PRDM1: variants seen among roughly 807,000 people sequenced by gnomAD.
The protein encoded by PRDM1 is PR domain zinc finger protein 1.
PRDM1 carries 13 observed loss-of-function variants against 62.8 expected under a neutral mutation model. The observed-to-expected ratio is 0.21, with a 90% CI of 0.13 to 0.33. PRDM1 has a LOEUF of 0.33. Among genes scored for constraint, PRDM1 ranks in the 10% least tolerant of loss-of-function variants. The probability of loss-of-function intolerance (pLI) is 1.00; values close to 1 mark genes in which losing one functional copy is unlikely to be tolerated. For synonymous variants in PRDM1, 396 were observed against 417.6 expected (o/e 0.95, Z 0.63); for missense variants, 895 against 1,058.8 (o/e 0.85, Z 2.15).
intron 1 of PRDM1, among the ~76,000 whole-genome samples, chr6:106,019,642 T>C (rs528524968): frequency 1.3e-5 from 2 of 148,416 alleles, no homozygotes; most frequent in African/African-American, 4.9e-5. Flanking sequence ...CTTTTCTTTT[T>C]TTTTTTTTTT....
At chr6:106,038,418 G>A (rs1772951547) in intron 1 of PRDM1, among the ~76,000 whole-genome samples, 1 of 152,142 alleles carries the variant, frequency 6.6e-6, no homozygotes, top group South Asian at 2.1e-4. Context: ...GGCATGTGTG[G>A]TGACTTGTAA....
intron 1 of PRDM1, among the ~76,000 whole-genome samples, chr6:106,073,105 C>CTTTT (rs202236727): frequency 2.3e-4 from 31 of 137,638 alleles, no homozygotes; most frequent in Middle Eastern, 3.8e-3. Context: ...TTCCTCTTTT[C>CTTTT]TTTTTTTTTT....
At chr6:106,103,494 G>A (rs952376400) in intron 4 of PRDM1, among the ~76,000 whole-genome samples, 9 of 152,172 alleles carry the variant, frequency 5.9e-5, no homozygotes, top group African/African-American at 1.7e-4. Flanking sequence ...CCTTCAGTGC[G>A]TTCCTAGGGC....
upstream of PRDM1, among the ~76,000 whole-genome samples, chr6:106,083,543 A>G (rs2114611175): frequency 6.6e-6 from 1 of 152,202 alleles, no homozygotes; most frequent in Middle Eastern, 3.4e-3. Context: ...GAACTGGGAG[A>G]GGAAAAAAAC....
At chr6:106,043,198 G>T (rs756451183) in intron 1 of PRDM1, among the ~76,000 whole-genome samples, 9 of 152,038 alleles carry the variant, frequency 5.9e-5, no homozygotes, top group Non-Finnish European at 8.8e-5. Context: ...CTCACAGAGT[G>T]GTCTTCTCTG....
At chr6:106,026,549 T>G (rs960370521) in intron 1 of PRDM1, among the ~76,000 whole-genome samples, 3 of 152,122 alleles carry the variant, frequency 2.0e-5, no homozygotes, top group Non-Finnish European at 4.4e-5. Context: ...TGTTTTCGTC[T>G]GGTGTAGTGG....
At chr6:106,073,105 C>CT (rs202236727) in intron 1 of PRDM1, among the ~76,000 whole-genome samples, 2,221 of 137,612 alleles carry the variant, frequency 0.016, 22 homozygotes, top group African/African-American at 0.038. Context: ...TTCCTCTTTT[C>CT]TTTTTTTTTT....
intron 1 of PRDM1, among the ~76,000 whole-genome samples, chr6:105,996,222 A>G (rs114012843): frequency 0.013 from 2,016 of 152,320 alleles, 29 homozygotes; most frequent in African/African-American, 0.035. Context: ...TGTATAATTT[A>G]ATCTGAATCG....
In PRDM1 at chr6:106,099,536, G is replaced by A. The variant is rs1774207388; in HGVS notation, c.648G>A (p.Leu216=). 1.2e-6 allele frequency: 2 copies of A among 1,613,990 alleles called. No homozygotes were observed. Among genetic ancestry groups the A allele is most frequent in the Non-Finnish European group, 1.7e-6 (2 of 1,180,012 alleles). Residue 216 remains leucine, a synonymous_variant, in exon 4 of 7, where the codon CTG becomes CTA. Coordinates refer to ENST00000369096, the MANE Select transcript of PRDM1 (RefSeq NM_001198.4). ...ERLHYPYPGE[L]TMMNLTQTQS... ...TTCACTACCCTTATCCCGGAGAGCTGACAATGATGAATCTCAGTAAGTGGA... is the reference window on the plus strand; with the variant it reads ...TTCACTACCCTTATCCCGGAGAGCTAACAATGATGAATCTCAGTAAGTGGA...
At chr6:106,050,017 T>C (rs4245531) in intron 1 of PRDM1, among the ~76,000 whole-genome samples, 136,891 of 152,216 alleles carry the variant, frequency 0.9, 61,636 homozygotes, top group South Asian at 0.94. Flanking sequence ...TGGTGCAGAG[T>C]AGCATAGGAG....
intron 1 of PRDM1, among the ~76,000 whole-genome samples, chr6:106,024,694 A>G (rs1159889456): frequency 6.6e-6 from 1 of 152,216 alleles, no homozygotes; most frequent in Non-Finnish European, 1.5e-5. Context: ...GGAGAGGACA[A>G]ACAAAGGCAC....
chr6:106,105,594 G>T lies in PRDM1; in HGVS notation c.1434G>T (p.Leu478Phe). Reference protein sequence around the residue: ...SSLPSDGARRLLQPEHPREVL... With the variant: ...SSLPSDGARRFLQPEHPREVL... ...TGCCCTCAGATGGAGCCCGGAGGTT[G>T]CTCCAGCCGGAGCATCCCAGGGAGG... The change falls in exon 5 of 7, where the codon TTG becomes TTT. Residue 478 changes from leucine (L) to phenylalanine (F), a missense_variant. Leu to Phe is a conservative substitution (Grantham distance 22, BLOSUM62 0). Coordinates refer to ENST00000369096, the MANE Select transcript of PRDM1 (RefSeq NM_001198.4). 1.2e-6 allele frequency: 2 copies of T among 1,613,200 alleles called. No individual in the cohort carries two copies. The highest frequency in any genetic ancestry group is 2.2e-5 in the South Asian group (2 of 91,058).
intron 3 of PRDM1, chr6:106,095,948 A>G: frequency 2.0e-6 from 1 of 495,650 alleles, no homozygotes; most frequent in Non-Finnish European, 3.6e-6. Context: ...GATACGGGCT[A>G]TATGTGAATC....
chr6:106,032,530 T>C (rs570209052), intron 1 of PRDM1, among the ~76,000 whole-genome samples: 1 of 152,226 alleles, frequency 6.6e-6, no homozygotes, highest in African/African-American at 2.4e-5. Context: ...CTCCGCCTCC[T>C]GGGTTCAAGC....
chr6:106,098,855 A>G (rs1774185222), intron 3 of PRDM1: 4 of 1,524,890 alleles, frequency 2.6e-6, no homozygotes, highest in Non-Finnish European at 2.6e-6. Flanking sequence ...AGAAAAAGCT[A>G]AGACTCAGTT....
intron 2 of PRDM1, among the ~76,000 whole-genome samples, chr6:106,090,434 C>A (rs1773933187): frequency 6.6e-6 from 1 of 152,176 alleles, no homozygotes; most frequent in South Asian, 2.1e-4. Flanking sequence ...TGTCTTTAAA[C>A]CCTAATCATA....
At chr6:106,086,677 T>A in intron 1 of PRDM1, 82 bp downstream of exon 1, 1 of 1,323,364 alleles carries the variant, frequency 7.6e-7, no homozygotes, top group Non-Finnish European at 1.0e-6. Context: ...TTATTATTAT[T>A]AATTTTTTTT....
At chr6:106,028,240 G>A (rs1582431033) in intron 1 of PRDM1, among the ~76,000 whole-genome samples, 1 of 152,102 alleles carries the variant, frequency 6.6e-6, no homozygotes, top group Admixed American at 6.5e-5. Flanking sequence ...AGTGTCTTTC[G>A]GTCCAATCGC....
intron 1 of PRDM1, among the ~76,000 whole-genome samples, chr6:106,039,170 CTATGT>C (rs1562150348): frequency 6.6e-6 from 1 of 152,136 alleles, no homozygotes; most frequent in Non-Finnish European, 1.5e-5. Context: ...TCAGAAACAG[CTATGT>C]TATAAGAAGT....
Sources: gnomAD v4.1 joint callset for allele counts (sites outside exome capture counted in the v4.1 genomes callset) on GRCh38, gnomAD v4.1.1 for gene constraint, MANE v1.5 for transcripts, NCBI Gene and HGNC (gene_info 2026-07-23, HGNC 2026-07-21) for gene names.